CTBP2: variants seen among roughly 807,000 people sequenced by gnomAD.
CTBP2 encodes C-terminal binding protein 2.
CTBP2 carries 30 observed loss-of-function variants against 80.3 expected under a neutral mutation model. That is an observed-to-expected ratio of 0.37 (90% CI 0.28 to 0.51). The LOEUF is 0.51. Ranked by LOEUF, CTBP2 falls within the 20% of genes least tolerant of loss-of-function variation. The probability of loss-of-function intolerance (pLI) is 0.93; values close to 1 mark genes in which losing one functional copy is unlikely to be tolerated. For missense variants in CTBP2, 1,212 were observed against 1,375.3 expected (o/e 0.88, Z 1.88); for synonymous variants, 594 against 587.4 (o/e 1.01, Z -0.16).
intron 1 of CTBP2, among the ~76,000 whole-genome samples, chr10:125,126,996 G>A (rs1043400611): frequency 1.4e-4 from 22 of 151,872 alleles, no homozygotes; most frequent in Admixed American, 6.6e-5. Flanking sequence ...GAACAAGCCA[G>A]GTACTATTAA....
chr10:125,082,972 C>T (rs1305137340), intron 2 of CTBP2, among the ~76,000 whole-genome samples: 1 of 152,314 alleles, frequency 6.6e-6, no homozygotes, highest in African/African-American at 2.4e-5. Flanking sequence ...GAAGCCAATG[C>T]TCCAGGAGAG....
Position 124,993,219 on chromosome 10 carries a change from A to G in CTBP2, c.2642T>C (p.Ile881Thr). Residue 881 changes from isoleucine (I) to threonine (T), a missense_variant, in exon 7 of 9, where the codon ATC becomes ACC. This residue lies in a region of CTBP2 where 335 missense variants were observed against 504.7 expected (regional missense o/e 0.66). Transcript: ENST00000309035. ...GGGCTCACCTGTGATGGCTCGGCGG[A>G]TCTCGGTGGCAGCTGCCTCCCTCAT... is the stretch of plus-strand genomic sequence containing the variant. 1 of 1,598,672 alleles carries G rather than the reference A, an allele frequency of 6.3e-7. No homozygotes were observed. Among genetic ancestry groups the G allele is most frequent in the South Asian group, 1.1e-5 (1 of 90,498 alleles).
chr10:125,053,694 A>C (rs1361542860), intron 2 of CTBP2, among the ~76,000 whole-genome samples: 4 of 152,204 alleles, frequency 2.6e-5, no homozygotes, highest in Non-Finnish European at 5.9e-5. Context: ...CATCTCAGAC[A>C]CGCTCCTGAA....
chr10:125,026,446 C>T lies in CTBP2; in HGVS notation c.1314G>A (p.Gly438=), dbSNP rs376803564. The change falls in exon 1 of 9, where the codon GGG becomes GGA. Residue 438 remains glycine, a synonymous_variant. Transcript: ENST00000309035. ...GGGCGCAAGGGGTGGGAGAGCTGTA[C>T]CCGGAGTTGGAGGGGAAGTGTGGGG... The T allele has an allele frequency of 4.4e-6, 7 of 1,600,746 alleles. No homozygotes were observed. Among genetic ancestry groups the T allele is most frequent in the Non-Finnish European group, 6.0e-6 (7 of 1,171,012 alleles).
intron 2 of CTBP2, among the ~76,000 whole-genome samples, 186 bp from the exon 3 acceptor site, chr10:125,039,341 T>G (rs1031446598): frequency 2.0e-5 from 3 of 152,246 alleles, no homozygotes; most frequent in Non-Finnish European, 4.4e-5. Flanking sequence ...CTCCTGCTTC[T>G]TATCTCATAA....
At chr10:125,017,313 G>A (rs1336974959) in intron 1 of CTBP2, among the ~76,000 whole-genome samples, 1 of 152,222 alleles carries the variant, frequency 6.6e-6, no homozygotes, top group Non-Finnish European at 1.5e-5. Flanking sequence ...CTTTGGAGAG[G>A]CGATAAAGGC....
At chr10:125,037,193 T>A (rs1030093672) in intron 3 of CTBP2, among the ~76,000 whole-genome samples, 1 of 152,196 alleles carries the variant, frequency 6.6e-6, no homozygotes, top group Non-Finnish European at 1.5e-5. Flanking sequence ...TGGTGAACCA[T>A]CCTTCAGCAC....
chr10:125,151,596 A>G (rs1859888433), intron 1 of CTBP2, among the ~76,000 whole-genome samples: 1 of 152,182 alleles, frequency 6.6e-6, no homozygotes, highest in African/African-American at 2.4e-5. Context: ...CGCGCAGTCA[A>G]TCAACGAACC....
At chr10:125,135,053 T>C (rs907169640) in intron 1 of CTBP2, among the ~76,000 whole-genome samples, 1 of 152,184 alleles carries the variant, frequency 6.6e-6, no homozygotes, top group Non-Finnish European at 1.5e-5. Flanking sequence ...TGTGCATGGA[T>C]GCCTTGGTGC....
Position 125,082,589 on chromosome 10 carries a change from CTTTTTTT to C in CTBP2, c.-102+28394_-102+28400del, listed in dbSNP as rs71486514. ...CCATGATCATTCTGCCAGCTTTCCT[CTTTTTTT>C]TTTTTTTTTTTGAAACAGTCTTGCT... On this transcript the variant is annotated intron_variant, in intron 2 of 10. Coordinates refer to the CTBP2 transcript ENST00000337195. 5.2e-4 allele frequency among the ~76,000 whole-genome samples: 68 copies of C among 131,044 alleles called. No individual in the cohort carries two copies. In the Middle Eastern group the frequency reaches 0.024, roughly 46 times the overall value. The allele number at this position is 131,044 out of a possible 152,430, so 86.0% of individuals were successfully genotyped here. A position where few individuals can be genotyped will look rare whatever the true frequency, so the allele number is the denominator to read the frequency against.
At chr10:125,148,934 C>T (rs1361375139) in intron 1 of CTBP2, among the ~76,000 whole-genome samples, 5 of 152,182 alleles carry the variant, frequency 3.3e-5, no homozygotes, top group South Asian at 2.1e-4. Context: ...GAAAAGCATG[C>T]GCCGTGGAGG....
intron 2 of CTBP2, among the ~76,000 whole-genome samples, chr10:125,110,277 AT>A (rs1852084235): frequency 6.6e-6 from 1 of 152,244 alleles, no homozygotes; most frequent in Admixed American, 6.5e-5. Context: ...ATTAAAATCA[AT>A]TCCATCAGAG....
At chr10:125,024,876 G>C (rs902846393) in intron 1 of CTBP2, among the ~76,000 whole-genome samples, 8 of 152,206 alleles carry the variant, frequency 5.3e-5, no homozygotes, top group Non-Finnish European at 1.0e-4. Context: ...AAAAATCCAT[G>C]AGACAAAATC....
At chr10:125,155,297 A>C (rs556143756) in intron 1 of CTBP2, among the ~76,000 whole-genome samples, 1 of 152,342 alleles carries the variant, frequency 6.6e-6, no homozygotes, top group East Asian at 1.9e-4. Flanking sequence ...AGCAGTCAGA[A>C]GAATGAAGGC....
chr10:125,119,842 C>T (rs1197264256), intron 1 of CTBP2, among the ~76,000 whole-genome samples: 1 of 152,196 alleles, frequency 6.6e-6, no homozygotes, highest in African/African-American at 2.4e-5. Flanking sequence ...GTCAGGAGGG[C>T]TCTGAAGCTG....
intron 1 of CTBP2, among the ~76,000 whole-genome samples, chr10:125,135,835 T>C (rs918283200): frequency 6.6e-6 from 1 of 152,214 alleles, no homozygotes; most frequent in Non-Finnish European, 1.5e-5. Flanking sequence ...GGAGCGTACC[T>C]GTCAGTCAGG....
rs1019405301 is a variant in CTBP2 at position 125,119,953 on chromosome 10, G to A, written c.-205-8860C>T. Among the ~76,000 whole-genome samples the A allele has an allele frequency of 5.9e-5, 9 of 152,224 alleles. 1 individual carries two copies. The East Asian group carries it at 1.2e-3, about 20-fold the overall frequency. On this transcript the variant is annotated intron_variant, in intron 1 of 10. Transcript: ENST00000337195. ...CCCCATTTAGGATGTAAGTCCCTGC[G>A]TGGCTGCTGTACTACAAAGGTGGGT...
intron 4 of CTBP2, chr10:124,996,045 T>TTTG (rs1565022947): frequency 1.3e-5 from 1 of 75,878 alleles, no homozygotes; most frequent in Non-Finnish European, 2.9e-5. Context: ...CGGCTATTTC[T>TTTG]TTGTTTTTTT....
chr10:125,016,974 T>C (rs1956559576), intron 1 of CTBP2, among the ~76,000 whole-genome samples: 1 of 152,194 alleles, frequency 6.6e-6, no homozygotes, highest in Non-Finnish European at 1.5e-5. Flanking sequence ...GGAAGGGGAA[T>C]GGACTGGCCT....
Sources: allele counts gnomAD v4.1 joint callset (sites outside exome capture counted in the v4.1 genomes callset), GRCh38; gene constraint gnomAD v4.1.1; regional missense constraint gnomAD v4.1.1; transcripts MANE v1.5; gene names NCBI Gene and HGNC (gene_info 2026-07-23, HGNC 2026-07-21).